Variants in INPP4B observed in about 807,000 individuals in gnomAD.
INPP4B encodes inositol polyphosphate 4-phosphatase type II.
INPP4B carries 55 observed loss-of-function variants against 122.5 expected under a neutral mutation model. The ratio of observed to expected loss-of-function variants is 0.45; its 90% CI spans 0.36 to 0.56. INPP4B has a LOEUF of 0.56. Ranked by LOEUF, INPP4B falls within the 20% of genes least tolerant of loss-of-function variation. The pLI, the probability that INPP4B is intolerant of heterozygous loss-of-function variation, is 0.00. For missense variants in INPP4B, 1,000 were observed against 1,097.7 expected (o/e 0.91, Z 1.26); for synonymous variants, 403 against 388.7 (o/e 1.04, Z -0.43).
At chr4:142,267,485 T>C (rs187599873) in intron 10 of INPP4B, among the ~76,000 whole-genome samples, 1 of 152,270 alleles carries the variant, frequency 6.6e-6, no homozygotes, top group Non-Finnish European at 1.5e-5. Flanking sequence ...CTTTAACAAA[T>C]TGTGTTTGGA....
At chr4:142,719,010 C>T (rs905891244) in intron 2 of INPP4B, among the ~76,000 whole-genome samples, 4 of 152,140 alleles carry the variant, frequency 2.6e-5, no homozygotes, top group African/African-American at 9.7e-5. Context: ...TTAATATTTT[C>T]CTTGGTACAA....
chr4:142,075,886 T>C (rs988770761), intron 25 of INPP4B, among the ~76,000 whole-genome samples: 1 of 152,126 alleles, frequency 6.6e-6, no homozygotes, highest in Non-Finnish European at 1.5e-5. Flanking sequence ...CAGGTCTTCC[T>C]GGATTTAAAA....
intron 2 of INPP4B, among the ~76,000 whole-genome samples, chr4:142,564,451 A>AAAAAG (rs1179574438): frequency 1.5e-5 from 2 of 131,684 alleles, no homozygotes; most frequent in African/African-American, 5.7e-5. Context: ...AAAAAAAAAA[A>AAAAAG]AAAGAAAGAA....
At chr4:142,244,847 A>G (rs998523887) in intron 11 of INPP4B, among the ~76,000 whole-genome samples, 4 of 152,198 alleles carry the variant, frequency 2.6e-5, no homozygotes, top group Admixed American at 2.6e-4. Context: ...TCCTACCAAC[A>G]GTGTAAAAGC....
intron 2 of INPP4B, among the ~76,000 whole-genome samples, chr4:142,498,780 T>C (rs1032187951): frequency 6.6e-6 from 1 of 151,990 alleles, no homozygotes; most frequent in Non-Finnish European, 1.5e-5. Context: ...CAGACGGAGA[T>C]CCTGTCTCAA....
chr4:142,026,482 T>TAAAG lies in INPP4B; in HGVS notation c.*2296_*2299dup, dbSNP rs1263581986. 2 of 152,248 alleles carry TAAAG rather than the reference T, an allele frequency of 1.3e-5. No homozygotes were observed. Among genetic ancestry groups the TAAAG allele is most frequent in the Non-Finnish European group, 2.9e-5 (2 of 68,046 alleles). The allele number at this position is 152,248 out of a possible 1,614,324, so 9.4% of individuals were successfully genotyped here. ...TATATTATTCATTTATTTACTTATTTAAAGATGGAGTTTCGCTCTTTTCAC... is the reference window on the plus strand; with the variant it reads ...TATATTATTCATTTATTTACTTATTTAAAGAAAGATGGAGTTTCGCTCTTTTCAC... On this transcript the variant is annotated 3_prime_UTR_variant, in exon 26 of 26. Transcript: ENST00000262992.
chr4:142,620,599 G>T (rs140790835), intron 2 of INPP4B, among the ~76,000 whole-genome samples: 1 of 151,788 alleles, frequency 6.6e-6, no homozygotes. Context: ...CAACAAACCC[G>T]CATGACATGC....
At chr4:142,104,491 T>G (rs1786013201) in intron 23 of INPP4B, among the ~76,000 whole-genome samples, 1 of 152,070 alleles carries the variant, frequency 6.6e-6, no homozygotes. Flanking sequence ...AAGGGGCCAG[T>G]GAATATCACA....
At chr4:142,029,103 G>T in intron 25 of INPP4B, 189 bp from the exon 26 acceptor site, 1 of 1,324,216 alleles carries the variant, frequency 7.6e-7, no homozygotes, top group Non-Finnish European at 9.6e-7. Context: ...TACCATTATT[G>T]CCCTCTGAAA....
At chr4:142,117,197 A>T (rs1329795030) in intron 21 of INPP4B, among the ~76,000 whole-genome samples, 1 of 152,154 alleles carries the variant, frequency 6.6e-6, no homozygotes, top group African/African-American at 2.4e-5. Context: ...AAAGTCCAGG[A>T]CCAGATGGAT....
chr4:142,289,659 G>T (rs544611648), intron 9 of INPP4B, among the ~76,000 whole-genome samples: 1 of 152,190 alleles, frequency 6.6e-6, no homozygotes, highest in East Asian at 1.9e-4. Flanking sequence ...GCATTAGTTT[G>T]CTAAGGATAA....
At chr4:142,816,823 C>G (rs1289652856) in intron 1 of INPP4B, among the ~76,000 whole-genome samples, 1 of 151,880 alleles carries the variant, frequency 6.6e-6, no homozygotes, top group African/African-American at 2.4e-5. Flanking sequence ...CTACTGAGTT[C>G]CAAATACCAC....
At chr4:142,833,298 T>C (rs1342991369) in intron 1 of INPP4B, among the ~76,000 whole-genome samples, 1 of 152,110 alleles carries the variant, frequency 6.6e-6, no homozygotes, top group Non-Finnish European at 1.5e-5. Context: ...ATAGAGTCAA[T>C]TGAGTGTACT....
chr4:142,448,172 A>G (rs1813319464), intron 3 of INPP4B, among the ~76,000 whole-genome samples: 1 of 151,678 alleles, frequency 6.6e-6, no homozygotes, highest in Non-Finnish European at 1.5e-5. Flanking sequence ...TGCTGAATGG[A>G]CCTCTGGTTA....
At chr4:142,465,729 G>A (rs917325223) in intron 2 of INPP4B, among the ~76,000 whole-genome samples, 3 of 152,256 alleles carry the variant, frequency 2.0e-5, no homozygotes, top group South Asian at 4.1e-4. Flanking sequence ...GAAGGTGACC[G>A]GATCCTGGGG....
At chr4:142,320,370 T>C (rs888210777) in intron 7 of INPP4B, among the ~76,000 whole-genome samples, 2 of 152,260 alleles carry the variant, frequency 1.3e-5, no homozygotes, top group African/African-American at 2.4e-5. Context: ...TGCTACACCA[T>C]GGAGTGGTAA....
chr4:142,633,818 A>C (rs1181328174), intron 2 of INPP4B, among the ~76,000 whole-genome samples: 1 of 152,146 alleles, frequency 6.6e-6, no homozygotes, highest in Non-Finnish European at 1.5e-5. Context: ...GATTAATTGA[A>C]AGAGAAGCAC....
At chr4:142,400,022 T>A (rs1801076236) in intron 7 of INPP4B, among the ~76,000 whole-genome samples, 1 of 152,146 alleles carries the variant, frequency 6.6e-6, no homozygotes, top group Non-Finnish European at 1.5e-5. Context: ...ACTAAGATAA[T>A]CAATCCTAGA....
intron 3 of INPP4B, among the ~76,000 whole-genome samples, chr4:142,432,592 AT>A (rs34178432): frequency 2.6e-5 from 4 of 151,864 alleles, no homozygotes; most frequent in Admixed American, 1.3e-4. Flanking sequence ...ATGCTTCCTA[AT>A]TTTTTTTACC....
Sources: gnomAD v4.1 joint callset for allele counts (sites outside exome capture counted in the v4.1 genomes callset) on GRCh38, gnomAD v4.1.1 for gene constraint, MANE v1.5 for transcripts, NCBI Gene and HGNC (gene_info 2026-07-23, HGNC 2026-07-21) for gene names.